Variants in OR1J2 observed in about 807,000 individuals in gnomAD.
OR1J2 encodes the protein olfactory receptor family 1 subfamily J member 2.
For missense variants in OR1J2, 304 were observed against 246.1 expected, an observed-to-expected ratio of 1.24 and a Z score of -1.57; for synonymous variants, 142 against 99.7, an observed-to-expected ratio of 1.42 and a Z score of -2.52.
the OR1J2 span, chr9:122,519,081 T>C: frequency 8.7e-7 from 1 of 1,145,490 alleles, no homozygotes; most frequent in Non-Finnish European, 1.3e-6. Context: ...TAAATCAACA[T>C]TTGTTTGTTT....
At chr9:122,501,236 G>A in the OR1J2 span, among the ~76,000 whole-genome samples, 137 of 152,206 alleles carry the variant, frequency 9.0e-4, 1 homozygote, top group East Asian at 0.022. Context: ...TTTGTGAACC[G>A]TTGTTGAATT....
the OR1J2 span, among the ~76,000 whole-genome samples, chr9:122,559,125 G>A: frequency 2.0e-5 from 3 of 151,772 alleles, no homozygotes; most frequent in Non-Finnish European, 4.4e-5. Context: ...TCATGCTTTT[G>A]TACAATAGAA....
the OR1J2 span, among the ~76,000 whole-genome samples, chr9:122,494,642 T>A: frequency 2.0e-5 from 3 of 152,188 alleles, no homozygotes; most frequent in Non-Finnish European, 4.4e-5. Flanking sequence ...ACTCTGCCGT[T>A]CTCTATCTTT....
the OR1J2 span, among the ~76,000 whole-genome samples, chr9:122,541,557 T>C: frequency 6.6e-6 from 1 of 152,118 alleles, no homozygotes; most frequent in East Asian, 1.9e-4. Context: ...GTGAATCATA[T>C]CAAAAATAAG....
chr9:122,526,566 A>G, the OR1J2 span: 3 of 1,613,770 alleles, frequency 1.9e-6, no homozygotes, highest in Non-Finnish European at 2.5e-6. Flanking sequence ...AACAACGCAG[A>G]GGTGGGAACT....
chr9:122,554,386 A>T, the OR1J2 span, among the ~76,000 whole-genome samples: 3 of 152,206 alleles, frequency 2.0e-5, no homozygotes, highest in South Asian at 6.2e-4. Context: ...AACCATTACT[A>T]ACAGCAAAAC....
At chr9:122,541,943 T>C in the OR1J2 span, among the ~76,000 whole-genome samples, 1 of 152,218 alleles carries the variant, frequency 6.6e-6, no homozygotes, top group South Asian at 2.1e-4. Context: ...CAGATCAATA[T>C]ACATAACACT....
At chr9:122,448,240 C>G in the OR1J2 span, among the ~76,000 whole-genome samples, 40 of 152,094 alleles carry the variant, frequency 2.6e-4, no homozygotes, top group Admixed American at 2.6e-3. Flanking sequence ...AGGTACTATG[C>G]GTGGATATAC....
At chr9:122,450,068 G>A in the OR1J2 span, among the ~76,000 whole-genome samples, 269 of 152,200 alleles carry the variant, frequency 1.8e-3, no homozygotes, top group African/African-American at 5.9e-3. Context: ...TTTGATCTAT[G>A]TATACATTGT....
the OR1J2 span, chr9:122,568,784 T>G: frequency 1.2e-5 from 3 of 250,070 alleles, no homozygotes; most frequent in South Asian, 1.1e-4. Flanking sequence ...AAAAGCACTA[T>G]TCACCTGCCG....
At chr9:122,506,671 C>T (rs1200082223), upstream of OR1J2, among the ~76,000 whole-genome samples, 2 of 151,378 alleles carry the variant, frequency 1.3e-5, no homozygotes, top group South Asian at 2.1e-4. Context: ...TGCATATAGA[C>T]GAGGAAGAAA....
At chr9:122,481,091 G>C in the OR1J2 span, among the ~76,000 whole-genome samples, 1 of 152,066 alleles carries the variant, frequency 6.6e-6, no homozygotes, top group Non-Finnish European at 1.5e-5. Flanking sequence ...ACTGCGCCCG[G>C]CCCCATCCAC....
chr9:122,456,880 C>G, the OR1J2 span, among the ~76,000 whole-genome samples: 105 of 152,220 alleles, frequency 6.9e-4, no homozygotes, highest in Middle Eastern at 3.4e-3. Flanking sequence ...GATGTATAAC[C>G]AAAGGAATAT....
the OR1J2 span, chr9:122,519,369 A>G: frequency 1.2e-6 from 2 of 1,613,986 alleles, no homozygotes; most frequent in Admixed American, 1.7e-5. Context: ...TTCATCTGTC[A>G]CTGTCCCAAA....
At chr9:122,516,773 A>T in the OR1J2 span, among the ~76,000 whole-genome samples, 1 of 152,154 alleles carries the variant, frequency 6.6e-6, no homozygotes, top group African/African-American at 2.4e-5. Flanking sequence ...ATGGAGAAGG[A>T]GGGGGAGAAG....
At chr9:122,514,625 T>C (rs1021898307), downstream of OR1J2, among the ~76,000 whole-genome samples, 1 of 152,248 alleles carries the variant, frequency 6.6e-6, no homozygotes, top group Non-Finnish European at 1.5e-5. Flanking sequence ...ATACTTTGAC[T>C]TTCTCCTTTG....
At chr9:122,542,327 T>TA in the OR1J2 span, among the ~76,000 whole-genome samples, 1 of 152,202 alleles carries the variant, frequency 6.6e-6, no homozygotes, top group African/African-American at 2.4e-5. Flanking sequence ...ACATTTCGCT[T>TA]AGAGTGTACA....
chr9:122,519,348 G>A, the OR1J2 span: 3 of 1,614,120 alleles, frequency 1.9e-6, no homozygotes, highest in Admixed American at 5.0e-5. Flanking sequence ...GGCTCTCACT[G>A]ACATCTCCCT....
At chr9:122,463,942 A>G in the OR1J2 span, among the ~76,000 whole-genome samples, 2 of 152,190 alleles carry the variant, frequency 1.3e-5, no homozygotes, top group Non-Finnish European at 2.9e-5. Flanking sequence ...CATGAGCTAC[A>G]TTAGCACATC....
Sources: allele counts gnomAD v4.1 joint callset (sites outside exome capture counted in the v4.1 genomes callset), GRCh38; gene constraint gnomAD v4.1.1; transcripts MANE v1.5; gene names NCBI Gene and HGNC (gene_info 2026-07-23, HGNC 2026-07-21).